TBC1D5: variants seen among roughly 807,000 people sequenced by gnomAD.
TBC1D5 encodes TBC1 domain family, member 5.
TBC1D5 carries 75 observed loss-of-function variants against 100.3 expected under a neutral mutation model. That is an observed-to-expected ratio of 0.75 (90% CI 0.62 to 0.91). TBC1D5 has a LOEUF of 0.91. TBC1D5 is among the 40% of genes least tolerant of loss of function. The pLI is 0.00. For missense variants in TBC1D5, 910 were observed against 942.4 expected (o/e 0.97, Z 0.45); for synonymous variants, 323 against 325.6 (o/e 0.99, Z 0.09).
rs571592768 is a variant in TBC1D5 at position 17,459,255 on chromosome 3, G to GT, written c.98-30737dup. ...TTCATGGAATACAATTTTTCCACAG[G>GT]TAGGGGCACAGGGATGGCTTCAGGA... is the stretch of plus-strand genomic sequence containing the variant. On this transcript the variant is annotated intron_variant, in intron 3 of 21. Coordinates refer to ENST00000253692, the Ensembl canonical transcript of TBC1D5. Among the ~76,000 whole-genome samples, 9 of 152,252 alleles carry GT rather than the reference G, an allele frequency of 5.9e-5. No homozygotes were observed. The South Asian group carries it at 1.7e-3, about 28-fold the overall frequency.
At chr3:17,323,677 T>C (rs1480901774) in intron 13 of TBC1D5, among the ~76,000 whole-genome samples, 1 of 151,852 alleles carries the variant, frequency 6.6e-6, no homozygotes. Flanking sequence ...AAAAAGATAA[T>C]CACAAAGCCC....
chr3:17,586,945 TA>T (rs1421836078), intron 2 of TBC1D5, among the ~76,000 whole-genome samples: 2 of 151,974 alleles, frequency 1.3e-5, no homozygotes, highest in Non-Finnish European at 2.9e-5. Context: ...TATCACATTT[TA>T]AAATCACATA....
chr3:17,446,557 T>C (rs1469653588), intron 3 of TBC1D5, among the ~76,000 whole-genome samples: 4 of 152,174 alleles, frequency 2.6e-5, no homozygotes, highest in African/African-American at 9.7e-5. Flanking sequence ...AGAGGAAATG[T>C]AATCTGGAAT....
intron 2 of TBC1D5, among the ~76,000 whole-genome samples, chr3:17,525,914 T>A (rs77157023): frequency 0.02 from 3,095 of 152,142 alleles, 94 homozygotes; most frequent in African/African-American, 0.07. Context: ...AGTGAAAATA[T>A]ATCCGTCGGA....
chr3:17,184,422 T>A (rs891787076), intron 19 of TBC1D5, among the ~76,000 whole-genome samples: 2 of 152,254 alleles, frequency 1.3e-5, no homozygotes, highest in Non-Finnish European at 2.9e-5. Flanking sequence ...TTATTTGATC[T>A]TGAAAACTCA....
intron 2 of TBC1D5, among the ~76,000 whole-genome samples, chr3:17,605,923 T>C (rs1172108090): frequency 3.3e-5 from 5 of 152,218 alleles, no homozygotes; most frequent in Non-Finnish European, 5.9e-5. Flanking sequence ...CTGACTTCTG[T>C]ATTATACTCT....
chr3:17,643,899 T>C (rs925157350), intron 1 of TBC1D5: 1 of 152,142 alleles, frequency 6.6e-6, no homozygotes, highest in Non-Finnish European at 1.5e-5. Context: ...TATTTTAAAG[T>C]AGCTAATACC....
intron 1 of TBC1D5, among the ~76,000 whole-genome samples, chr3:17,711,094 A>G (rs1435936290): frequency 6.6e-6 from 1 of 152,212 alleles, no homozygotes; most frequent in Non-Finnish European, 1.5e-5. Flanking sequence ...TCTTAGGATT[A>G]TAAGGTCTAA....
intron 2 of TBC1D5, among the ~76,000 whole-genome samples, chr3:17,619,666 G>A (rs540416184): frequency 6.6e-6 from 1 of 152,292 alleles, no homozygotes; most frequent in South Asian, 2.1e-4. Flanking sequence ...AGGAGAGAGG[G>A]ATTCTTCCTA....
At chr3:17,634,232 A>T (rs963861374) in intron 1 of TBC1D5, among the ~76,000 whole-genome samples, 8 of 152,224 alleles carry the variant, frequency 5.3e-5, no homozygotes, top group South Asian at 4.1e-4. Context: ...GTATATGCCC[A>T]AAAGAGAGGA....
rs1176713394 is a variant in TBC1D5 at position 17,404,104 on chromosome 3, C to T, written c.441+590G>A. 4.0e-5 allele frequency among the ~76,000 whole-genome samples: 6 copies of T among 151,876 alleles called. 1 individual carries two copies. In the South Asian group the frequency reaches 1.0e-3, roughly 26 times the overall value. ...ATACCGAAGAGTCTATAAATACTTA[C>T]GTATTGGGAAAGAGGAATGCTAACA... On this transcript the variant is annotated intron_variant, in intron 7 of 21. Coordinates refer to ENST00000253692, the Ensembl canonical transcript of TBC1D5.
intron 1 of TBC1D5, 131 bp from the exon 2 acceptor site, chr3:17,624,044 C>A (rs1028373587): frequency 8.6e-5 from 13 of 152,034 alleles, no homozygotes; most frequent in Admixed American, 3.9e-4. Context: ...AAGCTAATAA[C>A]CACTTTTCTA....
chr3:17,169,036 T>G (rs2066919800), intron 19 of TBC1D5, among the ~76,000 whole-genome samples: 1 of 152,240 alleles, frequency 6.6e-6, no homozygotes, highest in African/African-American at 2.4e-5. Context: ...TTCAACTTTC[T>G]GCTCCAGTGT....
intron 2 of TBC1D5, among the ~76,000 whole-genome samples, chr3:17,534,058 G>C (rs999668158): frequency 6.6e-6 from 1 of 152,150 alleles, no homozygotes; most frequent in Admixed American, 6.5e-5. Flanking sequence ...GCAGATGGAA[G>C]AGTTAGAGTA....
chr3:17,575,122 C>G (rs1380395382), intron 2 of TBC1D5: 1 of 152,094 alleles, frequency 6.6e-6, no homozygotes, highest in Non-Finnish European at 1.5e-5. Context: ...CCCAGGAGAT[C>G]TGAGACTAGC....
intron 3 of TBC1D5, among the ~76,000 whole-genome samples, chr3:17,469,273 G>A (rs576364421): frequency 6.6e-6 from 1 of 152,242 alleles, no homozygotes; most frequent in Non-Finnish European, 1.5e-5. Flanking sequence ...GAAAAAGATG[G>A]TATGAAGTAT....
intron 2 of TBC1D5, among the ~76,000 whole-genome samples, chr3:17,530,530 C>A (rs539283616): frequency 2.0e-5 from 3 of 152,282 alleles, no homozygotes. Context: ...TTCTCTCACT[C>A]CACAAGGCAT....
At chr3:17,683,377 C>G (rs1249636316) in intron 1 of TBC1D5, among the ~76,000 whole-genome samples, 1 of 151,086 alleles carries the variant, frequency 6.6e-6, no homozygotes, top group Non-Finnish European at 1.5e-5. Flanking sequence ...TGCACATCCA[C>G]GAGGCAAACA....
intron 2 of TBC1D5, chr3:17,623,572 T>C (rs1199994491): frequency 6.6e-6 from 1 of 152,332 alleles, no homozygotes; most frequent in Non-Finnish European, 1.5e-5. Context: ...ATCTTCGTTC[T>C]ACCTGTCTTT....
Sources: allele counts gnomAD v4.1 joint callset (sites outside exome capture counted in the v4.1 genomes callset), GRCh38; gene constraint gnomAD v4.1.1; transcripts MANE v1.5; gene names NCBI Gene and HGNC (gene_info 2026-07-23, HGNC 2026-07-21).